Variants in ESCO1 observed in about 807,000 individuals in gnomAD.
The protein encoded by ESCO1 is N-acetyltransferase ESCO1.
A neutral mutation model predicts 83.5 loss-of-function variants in ESCO1; 33 were observed. The ratio of observed to expected loss-of-function variants is 0.40; its 90% CI spans 0.30 to 0.53. The LOEUF is 0.53. Among genes scored for constraint, ESCO1 ranks in the 20% least tolerant of loss-of-function variants. The pLI, the probability that ESCO1 is intolerant of heterozygous loss-of-function variation, is 0.63. For missense variants in ESCO1, 855 were observed against 968.0 expected (o/e 0.88, Z 1.55); for synonymous variants, 332 against 324.3 (o/e 1.02, Z -0.25).
At chr18:21,576,257 T>C (rs1506406) in intron 2 of ESCO1, among the ~76,000 whole-genome samples, 149,880 of 152,282 alleles carry the variant, frequency 0.98, 73,799 homozygotes, top group East Asian at 1. Flanking sequence ...CACCTGTAAT[T>C]CTAGAAACTC....
At chr18:21,566,095 A>G in intron 6 of ESCO1, 51 bp downstream of exon 6, 2 of 1,557,896 alleles carry the variant, frequency 1.3e-6, no homozygotes, top group Non-Finnish European at 1.8e-6. Context: ...CCCTAAACTC[A>G]AAACTTGTAA....
intron 1 of ESCO1, among the ~76,000 whole-genome samples, chr18:21,598,213 C>T (rs530874372): frequency 1.3e-5 from 2 of 152,084 alleles, no homozygotes; most frequent in South Asian, 4.1e-4. Flanking sequence ...ATCCATTATT[C>T]GAACTGTGCA....
chr18:21,561,009 C>T lies in ESCO1; in HGVS notation c.1822-19G>A, dbSNP rs372410550. 7.0e-6 allele frequency: 11 copies of T among 1,570,026 alleles called. No homozygotes were observed. The highest frequency in any genetic ancestry group is 2.3e-5 in the East Asian group (1 of 43,884). ...CTGCATCCTATTTACAAAAAACACA[C>T]AAAAGTTTTTTTCCTCCCAAAAGAA... On this transcript the variant is annotated intron_variant, in intron 7 of 11. Transcript: ENST00000269214.
intron 1 of ESCO1, among the ~76,000 whole-genome samples, chr18:21,594,318 T>G (rs1043768794): frequency 9.9e-5 from 15 of 152,252 alleles, no homozygotes; most frequent in African/African-American, 3.6e-4. Context: ...CTGTAAGAGC[T>G]GGTGAATTGT....
At chr18:21,591,667 T>C (rs994766065) in intron 1 of ESCO1, among the ~76,000 whole-genome samples, 4 of 151,882 alleles carry the variant, frequency 2.6e-5, no homozygotes, top group Admixed American at 6.6e-5. Flanking sequence ...ATGCTTTTTT[T>C]TTTTTTTTAA....
chr18:21,535,920 C>G, intron 10 of ESCO1, 122 bp downstream of exon 10: 2 of 1,188,814 alleles, frequency 1.7e-6, no homozygotes, highest in Admixed American at 4.5e-5. Context: ...CATGGGAATT[C>G]TTGCATTAAA....
At chr18:21,544,209 G>C (rs1598980881) in intron 8 of ESCO1, among the ~76,000 whole-genome samples, 1 of 152,176 alleles carries the variant, frequency 6.6e-6, no homozygotes, top group East Asian at 1.9e-4. Flanking sequence ...AGGGGACAGA[G>C]GTTGCAGTGA....
At chr18:21,557,581 A>G (rs541658799) in intron 8 of ESCO1, among the ~76,000 whole-genome samples, 7 of 152,238 alleles carry the variant, frequency 4.6e-5, no homozygotes, top group Non-Finnish European at 7.3e-5. Context: ...CTAAACTTGA[A>G]GGAAAGGGCA....
rs760317405 is a variant in ESCO1, at chr18:21,574,509, G to T, written c.335C>A (p.Pro112His). Residue 112 changes from proline to histidine, a missense_variant, in exon 4 of 12, where the codon CCT (proline) becomes CAT (histidine). This residue lies in a region of ESCO1 where 726 missense variants were observed against 699.5 expected (regional missense o/e 1.04). Coordinates refer to ENST00000269214, the MANE Select transcript of ESCO1 (RefSeq NM_052911.3). ...CCGGTTAAGCTGTTCATTTGCTTTA[G>T]GGTTTTCATGTACTAATTTTTTCTG... is the stretch of plus-strand genomic sequence containing the variant. ...LSQKKLVHEN[P>H]KANEQLNRRS... 4 of 1,613,784 alleles carry T rather than the reference G, an allele frequency of 2.5e-6. No individual in the cohort carries two copies. In the South Asian group the frequency reaches 4.4e-5, roughly 18 times the overall value.
Sources: allele counts gnomAD v4.1 joint callset (sites outside exome capture counted in the v4.1 genomes callset), GRCh38; gene constraint gnomAD v4.1.1; regional missense constraint gnomAD v4.1.1; transcripts MANE v1.5; gene names NCBI Gene and HGNC (gene_info 2026-07-23, HGNC 2026-07-21).